TAFA2: variants seen among roughly 807,000 people sequenced by gnomAD.
TAFA2 encodes TAFA chemokine like family member 2.
A neutral mutation model predicts 18.8 loss-of-function variants in TAFA2; 7 were observed. The observed-to-expected ratio is 0.37, with a 90% confidence interval of 0.21 to 0.70. The LOEUF is 0.70. TAFA2 is among the 30% of genes least tolerant of loss of function. The pLI, the probability that TAFA2 is intolerant of heterozygous loss-of-function variation, is 0.53. For missense variants in TAFA2, 122 were observed against 158.1 expected, an observed-to-expected ratio of 0.77 and a Z score of 1.23; for synonymous variants, 60 against 54.2, an observed-to-expected ratio of 1.11 and a Z score of -0.47.
chr12:61,746,299 T>C (rs1053071190), intron 4 of TAFA2, among the ~76,000 whole-genome samples: 4 of 152,120 alleles, frequency 2.6e-5, no homozygotes, highest in Admixed American at 1.3e-4. Flanking sequence ...TGTGCCATGA[T>C]TGTAAGTTTC....
intron 4 of TAFA2, among the ~76,000 whole-genome samples, chr12:61,734,979 T>C (rs187212507): frequency 2.8e-4 from 43 of 152,150 alleles, no homozygotes; most frequent in Admixed American, 3.9e-4. Context: ...GTCTTTCTTA[T>C]GGGGTGGTTG....
intron 1 of TAFA2, among the ~76,000 whole-genome samples, chr12:62,066,057 T>C (rs1428355624): frequency 6.6e-6 from 1 of 150,814 alleles, no homozygotes; most frequent in East Asian, 2.0e-4. Context: ...AATTAGTAAC[T>C]GAAAAGTAAA....
intron 2 of TAFA2, among the ~76,000 whole-genome samples, chr12:61,865,670 T>G (rs1874323498): frequency 6.6e-6 from 1 of 152,236 alleles, no homozygotes; most frequent in Admixed American, 6.5e-5. Flanking sequence ...TTTAAATGTC[T>G]TAAAGTAGCT....
chr12:62,068,213 T>G (rs183656855), intron 1 of TAFA2, among the ~76,000 whole-genome samples: 1 of 152,226 alleles, frequency 6.6e-6, no homozygotes, highest in African/African-American at 2.4e-5. Context: ...GGAAATGTTG[T>G]GATGAATGTT....
upstream of TAFA2, among the ~76,000 whole-genome samples, chr12:62,195,382 T>G (rs1486939639): frequency 1.3e-5 from 2 of 152,198 alleles, no homozygotes; most frequent in African/African-American, 2.4e-5. Flanking sequence ...TTCTAGCATC[T>G]AGAATGGTGA....
intron 2 of TAFA2, among the ~76,000 whole-genome samples, chr12:61,820,065 T>C (rs1872255098): frequency 6.6e-6 from 1 of 152,098 alleles, no homozygotes; most frequent in African/African-American, 2.4e-5. Flanking sequence ...TTTCCACAAG[T>C]CTTTATAGTC....
intron 4 of TAFA2, among the ~76,000 whole-genome samples, chr12:61,742,662 A>G (rs979095381): frequency 6.6e-6 from 1 of 152,156 alleles, no homozygotes; most frequent in Admixed American, 6.6e-5. Flanking sequence ...AATAATTTCC[A>G]GATTTCTATC....
At chr12:61,768,181 A>C (rs1227453772) in intron 2 of TAFA2, among the ~76,000 whole-genome samples, 1 of 151,482 alleles carries the variant, frequency 6.6e-6, no homozygotes, top group Non-Finnish European at 1.5e-5. Flanking sequence ...AGAGGGAGAG[A>C]ACCAGGCACA....
chr12:61,921,522 G>A (rs997495934), intron 1 of TAFA2, among the ~76,000 whole-genome samples: 1 of 152,114 alleles, frequency 6.6e-6, no homozygotes. Flanking sequence ...GAGACTTTTT[G>A]TTGTTTGGTG....
At chr12:61,939,680 T>C (rs539911719) in intron 1 of TAFA2, among the ~76,000 whole-genome samples, 1 of 152,328 alleles carries the variant, frequency 6.6e-6, no homozygotes, top group East Asian at 1.9e-4. Context: ...AAATATGTAA[T>C]GTTATTATCA....
At chr12:62,228,237 A>C (rs1010483167) in intron 1 of TAFA2, among the ~76,000 whole-genome samples, 1 of 151,970 alleles carries the variant, frequency 6.6e-6, no homozygotes, top group African/African-American at 2.4e-5. Flanking sequence ...CTATGTGTCC[A>C]TGTGTACGGA....
intron 2 of TAFA2, among the ~76,000 whole-genome samples, chr12:61,834,843 T>A (rs1423872794): frequency 2.0e-5 from 3 of 152,106 alleles, no homozygotes; most frequent in African/African-American, 7.2e-5. Flanking sequence ...ATAAAATTGA[T>A]AATATTGCAT....
chr12:62,171,103 G>T (rs1163715211), intron 1 of TAFA2, among the ~76,000 whole-genome samples: 2 of 151,806 alleles, frequency 1.3e-5, no homozygotes, highest in East Asian at 3.9e-4. Flanking sequence ...AACATTTAAG[G>T]TGTCACAATT....
intron 1 of TAFA2, among the ~76,000 whole-genome samples, chr12:61,882,266 G>A (rs1293429873): frequency 6.6e-6 from 1 of 152,146 alleles, no homozygotes; most frequent in Non-Finnish European, 1.5e-5. Context: ...AGAAAGAAAA[G>A]GACCTACTGA....
rs571694488 is a variant in TAFA2, at chr12:62,079,254, C to T, written c.-2+112005G>A. Among the ~76,000 whole-genome samples, 4 of 152,266 alleles carry T rather than the reference C, an allele frequency of 2.6e-5. No individual in the cohort carries two copies. The East Asian group carries it at 7.7e-4, about 29-fold the overall frequency. Reference sequence around the variant, plus strand: ...CATACACCCAGCTACAACTGGATCACCCATACATGCCTCTCTATCAAATAT... The same window carrying T: ...CATACACCCAGCTACAACTGGATCATCCATACATGCCTCTCTATCAAATAT... On this transcript the variant is annotated intron_variant, in intron 1 of 4. Coordinates refer to ENST00000416284, the MANE Select transcript of TAFA2 (RefSeq NM_178539.5).
intron 1 of TAFA2, among the ~76,000 whole-genome samples, chr12:62,150,698 T>C (rs1011468523): frequency 1.3e-5 from 2 of 151,862 alleles, no homozygotes; most frequent in African/African-American, 4.8e-5. Flanking sequence ...AGGTCAGGAG[T>C]TCGAGACCAG....
chr12:62,088,439 C>G (rs546657106), intron 1 of TAFA2, among the ~76,000 whole-genome samples: 1 of 151,866 alleles, frequency 6.6e-6, no homozygotes, highest in Non-Finnish European at 1.5e-5. Flanking sequence ...CTTAGGCTGT[C>G]CCCGGTCCTT....
At chr12:61,906,260 C>T (rs1013403385) in intron 1 of TAFA2, among the ~76,000 whole-genome samples, 7 of 152,078 alleles carry the variant, frequency 4.6e-5, no homozygotes, top group Admixed American at 6.6e-5. Flanking sequence ...TCCCATAATC[C>T]GCAAATGTCA....
chr12:61,975,482 A>G (rs576406345), intron 1 of TAFA2, among the ~76,000 whole-genome samples: 37 of 141,146 alleles, frequency 2.6e-4, no homozygotes, highest in Non-Finnish European at 5.0e-4. Flanking sequence ...GTCACAAATA[A>G]CTGGATCTCC....
Sources: allele counts gnomAD v4.1 joint callset (sites outside exome capture counted in the v4.1 genomes callset), GRCh38; gene constraint gnomAD v4.1.1; transcripts MANE v1.5; gene names NCBI Gene and HGNC (gene_info 2026-07-23, HGNC 2026-07-21).